The following TACR1 variants were observed in gnomAD, a reference collection of about 807,000 sequenced individuals.
TACR1 encodes tachykinin receptor 1.
TACR1 carries 25 observed loss-of-function variants against 35.8 expected under a neutral mutation model. The observed-to-expected ratio is 0.70, with a 90% CI of 0.51 to 0.98. TACR1 has a LOEUF of 0.98. Ranked by LOEUF, TACR1 falls within the 50% of genes least tolerant of loss-of-function variation. The probability of loss-of-function intolerance (pLI) is 0.00; values close to 1 mark genes in which losing one functional copy is unlikely to be tolerated. For synonymous variants in TACR1, 195 were observed against 206.7 expected (o/e 0.94, Z 0.48); for missense variants, 478 against 522.9 (o/e 0.91, Z 0.84).
chr2:75,171,820 C>T (rs187943253), intron 1 of TACR1, among the ~76,000 whole-genome samples: 8 of 152,320 alleles, frequency 5.3e-5, no homozygotes, highest in African/African-American at 9.6e-5. Flanking sequence ...CCTTTATCCC[C>T]GTTGTATCTA....
At chr2:75,177,605 T>C (rs553675307) in intron 1 of TACR1, among the ~76,000 whole-genome samples, 7 of 152,278 alleles carry the variant, frequency 4.6e-5, no homozygotes, top group African/African-American at 1.7e-4. Flanking sequence ...GCACCACTTT[T>C]ATCTTCTATC....
At chr2:75,117,406 A>G (rs944631195) in intron 2 of TACR1, among the ~76,000 whole-genome samples, 1 of 152,226 alleles carries the variant, frequency 6.6e-6, no homozygotes, top group East Asian at 1.9e-4. Context: ...CATCAATTAA[A>G]TTGGGTCTAA....
chr2:75,054,020 A>G (rs1672523659), intron 2 of TACR1, among the ~76,000 whole-genome samples: 1 of 152,230 alleles, frequency 6.6e-6, no homozygotes, highest in African/African-American at 2.4e-5. Context: ...AGATTAAAAA[A>G]AAAGAAAACA....
intron 2 of TACR1, among the ~76,000 whole-genome samples, chr2:75,071,054 C>T (rs958459007): frequency 6.6e-6 from 1 of 152,112 alleles, no homozygotes; most frequent in Admixed American, 6.5e-5. Context: ...GTCCTTGGAA[C>T]ACAGTCATGC....
intron 2 of TACR1, among the ~76,000 whole-genome samples, chr2:75,054,892 C>T (rs922878081): frequency 6.6e-6 from 1 of 152,112 alleles, no homozygotes. Context: ...CAAAGCCAAG[C>T]ATTTTACTAG....
intron 2 of TACR1, among the ~76,000 whole-genome samples, chr2:75,117,646 A>G (rs1673892410): frequency 6.6e-6 from 1 of 152,216 alleles, no homozygotes; most frequent in Non-Finnish European, 1.5e-5. Context: ...CCCATCATAA[A>G]TTGAAAATAT....
chr2:75,103,954 T>C (rs1054513667), intron 2 of TACR1, among the ~76,000 whole-genome samples: 1 of 151,542 alleles, frequency 6.6e-6, no homozygotes, highest in African/African-American at 2.4e-5. Context: ...TTATAGAAAA[T>C]AGTCAAATCA....
chr2:75,122,528 C>G (rs1197986598), intron 1 of TACR1, among the ~76,000 whole-genome samples: 1 of 152,134 alleles, frequency 6.6e-6, no homozygotes, highest in Non-Finnish European at 1.5e-5. Context: ...TATCAGAAGT[C>G]ATGACAACTC....
chr2:75,057,758 G>A (rs1672596379), intron 2 of TACR1, among the ~76,000 whole-genome samples: 1 of 152,116 alleles, frequency 6.6e-6, no homozygotes, highest in Admixed American at 6.5e-5. Context: ...GGGTGGGTGG[G>A]TAGAAAATTT....
At chr2:75,111,024 ATT>A (rs1173004877) in intron 2 of TACR1, among the ~76,000 whole-genome samples, 1 of 152,022 alleles carries the variant, frequency 6.6e-6, no homozygotes, top group Non-Finnish European at 1.5e-5. Flanking sequence ...AATTTTTCAT[ATT>A]CTTTTATGAG....
At chr2:75,098,385 C>T (rs957745535) in intron 2 of TACR1, among the ~76,000 whole-genome samples, 2 of 152,074 alleles carry the variant, frequency 1.3e-5, no homozygotes, top group African/African-American at 4.8e-5. Flanking sequence ...CATAATCAAA[C>T]CAGACCATAT....
At chr2:75,198,337 G>C (rs944706104) in intron 1 of TACR1, among the ~76,000 whole-genome samples, 4 of 152,166 alleles carry the variant, frequency 2.6e-5, no homozygotes, top group Non-Finnish European at 5.9e-5. Flanking sequence ...TTGAAAGGAA[G>C]AGAGAGAGTG....
At chr2:75,134,336 C>T (rs1674238082) in intron 1 of TACR1, among the ~76,000 whole-genome samples, 1 of 152,178 alleles carries the variant, frequency 6.6e-6, no homozygotes, top group African/African-American at 2.4e-5. Flanking sequence ...TGCTTTTTAA[C>T]TCACTCATTC....
intron 2 of TACR1, among the ~76,000 whole-genome samples, chr2:75,116,212 C>T (rs1306563522): frequency 6.6e-6 from 1 of 152,082 alleles, no homozygotes; most frequent in Non-Finnish European, 1.5e-5. Flanking sequence ...TCAAGTGATC[C>T]TCCCACCTCA....
chr2:75,072,148 G>GGTC (rs1194628107), intron 2 of TACR1, among the ~76,000 whole-genome samples: 1 of 152,068 alleles, frequency 6.6e-6, no homozygotes, highest in African/African-American at 2.4e-5. Context: ...AGTTAGTTAG[G>GGTC]GTCAGCTCAG....
At chr2:75,094,293 TA>T (rs1342309364) in intron 2 of TACR1, among the ~76,000 whole-genome samples, 2 of 152,102 alleles carry the variant, frequency 1.3e-5, no homozygotes, top group Non-Finnish European at 2.9e-5. Context: ...TGAATTAAAA[TA>T]AAGAGAAGTA....
chr2:75,148,028 G>A (rs778394128), intron 1 of TACR1, among the ~76,000 whole-genome samples: 40 of 152,040 alleles, frequency 2.6e-4, no homozygotes, highest in Non-Finnish European at 5.9e-4. Context: ...TTACAGTTGT[G>A]AGCCACCACA....
chr2:75,157,892 G>C (rs1375562622), intron 1 of TACR1, among the ~76,000 whole-genome samples: 1 of 152,236 alleles, frequency 6.6e-6, no homozygotes, highest in Non-Finnish European at 1.5e-5. Flanking sequence ...TCTACCTAGA[G>C]ACAGGGAAGT....
intron 1 of TACR1, among the ~76,000 whole-genome samples, chr2:75,140,637 C>G (rs1330402729): frequency 2.0e-5 from 3 of 152,216 alleles, no homozygotes; most frequent in Admixed American, 6.5e-5. Flanking sequence ...CTCTAATCTT[C>G]TCCATCATCA....
Sources: allele counts gnomAD v4.1 joint callset (sites outside exome capture counted in the v4.1 genomes callset), GRCh38; gene constraint gnomAD v4.1.1; transcripts MANE v1.5; gene names NCBI Gene and HGNC (gene_info 2026-07-23, HGNC 2026-07-21).